Variants in MALRD1 observed in about 807,000 individuals in gnomAD.
MALRD1 encodes MAM and LDL receptor class A domain containing 1.
A neutral mutation model predicts 242.1 loss-of-function variants in MALRD1; 247 were observed. The observed-to-expected ratio is 1.02, with a 90% CI of 0.92 to 1.13. MALRD1 has a LOEUF of 1.13. MALRD1 is among the 50% of genes most tolerant of loss of function. The pLI is 0.00. For missense variants in MALRD1, 2,989 were observed against 2,533.1 expected, an observed-to-expected ratio of 1.18 and a Z score of -3.86; for synonymous variants, 995 against 866.6, an observed-to-expected ratio of 1.15 and a Z score of -2.60.
chr10:19,273,135 T>G (rs1840339643), intron 19 of MALRD1, among the ~76,000 whole-genome samples: 1 of 152,162 alleles, frequency 6.6e-6, no homozygotes, highest in Admixed American at 6.5e-5. Flanking sequence ...TAAACTAATT[T>G]ACACTCCCAC....
chr10:19,497,969 AT>A (rs1447367981), intron 30 of MALRD1, among the ~76,000 whole-genome samples: 3 of 152,184 alleles, frequency 2.0e-5, no homozygotes, highest in Non-Finnish European at 4.4e-5. Context: ...TCTTTCTTTA[AT>A]TTAGTGACTA....
chr10:19,731,841 C>T (rs914234184), intron 39 of MALRD1, among the ~76,000 whole-genome samples: 1 of 152,114 alleles, frequency 6.6e-6, no homozygotes, highest in South Asian at 2.1e-4. Context: ...TTTAATTATT[C>T]TCTTTCTTTA....
chr10:19,296,822 C>T lies in MALRD1; in HGVS notation c.3419+13641C>T, dbSNP rs117177701. Among the ~76,000 whole-genome samples, 149 of 151,706 alleles carry T rather than the reference C, an allele frequency of 9.8e-4. 1 individual carries two copies. Among genetic ancestry groups the T allele is most frequent in the Non-Finnish European group, 1.8e-3 (123 of 67,924 alleles). On this transcript the variant is annotated intron_variant, in intron 21 of 39. Coordinates refer to ENST00000454679, the MANE Select transcript of MALRD1 (RefSeq NM_001142308.3). ...GTTATACTTGTTCTCTTTGAAAAGA[C>T]ATTTGTGAGAAATTAGTTTGCAGTC... is the stretch of plus-strand genomic sequence containing the variant.
chr10:19,436,682 T>C (rs927759887), intron 28 of MALRD1, among the ~76,000 whole-genome samples: 3 of 152,190 alleles, frequency 2.0e-5, no homozygotes, highest in Admixed American at 6.6e-5. Context: ...CTCATCCGTC[T>C]ATGAGGTTTT....
At chr10:19,261,289 C>G (rs943223883) in intron 19 of MALRD1, among the ~76,000 whole-genome samples, 1 of 151,880 alleles carries the variant, frequency 6.6e-6, no homozygotes, top group African/African-American at 2.4e-5. Context: ...ATAAAAAAAA[C>G]TTGAAAAACT....
At chr10:19,530,421 A>AC (rs57021132) in intron 31 of MALRD1, among the ~76,000 whole-genome samples, 1 of 19,516 alleles carries the variant, frequency 5.1e-5, no homozygotes, top group Non-Finnish European at 1.2e-4. Context: ...ATATAATAAT[A>AC]AATATATAAT....
intron 12 of MALRD1, among the ~76,000 whole-genome samples, chr10:19,162,579 A>T (rs536019846): frequency 1.3e-5 from 2 of 152,302 alleles, no homozygotes; most frequent in East Asian, 3.9e-4. Context: ...CTTAAAATTG[A>T]TCATTAGAGA....
intron 21 of MALRD1, among the ~76,000 whole-genome samples, chr10:19,295,664 T>C (rs1227643985): frequency 1.3e-5 from 2 of 152,114 alleles, no homozygotes; most frequent in East Asian, 3.9e-4. Context: ...AAAGAATAGT[T>C]TTGCAAAGGA....
At chr10:19,103,833 C>A (rs1266443670) in intron 4 of MALRD1, 146 bp from the exon 5 acceptor site, 1 of 412,056 alleles carries the variant, frequency 2.4e-6, no homozygotes, top group Non-Finnish European at 4.2e-6. Context: ...GCTTTGATTT[C>A]TTTGCACCTG....
intron 21 of MALRD1, among the ~76,000 whole-genome samples, chr10:19,285,953 T>C (rs200494641): frequency 0.21 from 19,995 of 95,762 alleles, 1,723 homozygotes; most frequent in African/African-American, 0.25. Context: ...TAGTTCTCCT[T>C]GAAGAGGTCC....
intron 14 of MALRD1, among the ~76,000 whole-genome samples, chr10:19,187,586 G>A (rs1835795064): frequency 6.6e-6 from 1 of 152,088 alleles, no homozygotes; most frequent in Non-Finnish European, 1.5e-5. Context: ...GGATAATAAG[G>A]CTGAGGAAGA....
chr10:19,253,352 A>G (rs1409722760), intron 18 of MALRD1, among the ~76,000 whole-genome samples: 2 of 152,170 alleles, frequency 1.3e-5, no homozygotes, highest in African/African-American at 4.8e-5. Flanking sequence ...TAATAGACAC[A>G]TTGATGACTT....
At chr10:19,170,398 A>G (rs2131520809) in intron 13 of MALRD1, among the ~76,000 whole-genome samples, 1 of 152,304 alleles carries the variant, frequency 6.6e-6, no homozygotes, top group Non-Finnish European at 1.5e-5. Context: ...GCTTCCCATT[A>G]AAATGTAATT....
intron 2 of MALRD1, among the ~76,000 whole-genome samples, chr10:19,079,513 G>T (rs1209107796): frequency 6.6e-6 from 1 of 151,748 alleles, no homozygotes; most frequent in Non-Finnish European, 1.5e-5. Flanking sequence ...TTATAGAATT[G>T]CTCAAGTTTT....
intron 19 of MALRD1, among the ~76,000 whole-genome samples, chr10:19,262,530 C>A (rs1340256979): frequency 1.3e-5 from 2 of 151,806 alleles, no homozygotes; most frequent in South Asian, 2.1e-4. Flanking sequence ...GTGGCACACA[C>A]TTGTAATCCC....
chr10:19,181,750 G>T (rs1835514591), intron 14 of MALRD1, among the ~76,000 whole-genome samples: 1 of 151,948 alleles, frequency 6.6e-6, no homozygotes, highest in Non-Finnish European at 1.5e-5. Flanking sequence ...GAAAAAAAAG[G>T]GCAATTATGT....
At chr10:19,197,825 C>A (rs1050784928) in intron 14 of MALRD1, among the ~76,000 whole-genome samples, 2 of 152,172 alleles carry the variant, frequency 1.3e-5, no homozygotes, top group African/African-American at 2.4e-5. Flanking sequence ...CCACACCCCC[C>A]TGGCTTTCAT....
At chr10:19,277,094 A>G (rs2131867345) in intron 19 of MALRD1, among the ~76,000 whole-genome samples, 1 of 151,736 alleles carries the variant, frequency 6.6e-6, no homozygotes, top group Middle Eastern at 3.4e-3. Context: ...TAATTTCTGT[A>G]GTTTTTATTT....
intron 12 of MALRD1, among the ~76,000 whole-genome samples, chr10:19,163,192 T>C (rs1185739554): frequency 1.5e-5 from 2 of 133,804 alleles, no homozygotes; most frequent in Admixed American, 7.7e-5. Flanking sequence ...AAAGATACAT[T>C]CACATGTATG....
Sources: gnomAD v4.1 joint callset for allele counts (sites outside exome capture counted in the v4.1 genomes callset) on GRCh38, gnomAD v4.1.1 for gene constraint, MANE v1.5 for transcripts, NCBI Gene and HGNC (gene_info 2026-07-23, HGNC 2026-07-21) for gene names.